Variants in TMPRSS7 observed in about 807,000 individuals in gnomAD.
The protein encoded by TMPRSS7 is transmembrane protease serine 7.
TMPRSS7 carries 81 observed loss-of-function variants against 95.6 expected under a neutral mutation model. That is an observed-to-expected ratio of 0.85 (90% confidence interval 0.71 to 1.02). The LOEUF (loss-of-function observed/expected upper bound fraction) is 1.02, where lower values mean the gene tolerates loss of function less well. Ranked by LOEUF, TMPRSS7 falls within the 50% of genes least tolerant of loss-of-function variation. The pLI, the probability that TMPRSS7 is intolerant of heterozygous loss-of-function variation, is 0.00. For missense variants in TMPRSS7, 945 were observed against 955.2 expected, an observed-to-expected ratio of 0.99 and a Z score of 0.14; for synonymous variants, 364 against 337.8, an observed-to-expected ratio of 1.08 and a Z score of -0.85.
At chr3:112,060,243 AC>A (rs2073484266) in intron 10 of TMPRSS7, among the ~76,000 whole-genome samples, 1 of 152,196 alleles carries the variant, frequency 6.6e-6, no homozygotes, top group Non-Finnish European at 1.5e-5. Context: ...GGACCACAGG[AC>A]CGGGGCAAAA....
chr3:112,044,225 A>C, intron 3 of TMPRSS7, 30 bp from the exon 4 acceptor site: 1 of 1,473,034 alleles, frequency 6.8e-7, no homozygotes, highest in Non-Finnish European at 9.3e-7. Flanking sequence ...AGTATGAAAT[A>C]CTTCAGATAC....
At chr3:112,035,603 T>C (rs1410469655) in intron 1 of TMPRSS7, among the ~76,000 whole-genome samples, 33 of 152,184 alleles carry the variant, frequency 2.2e-4, no homozygotes, top group Admixed American at 2.2e-3. Flanking sequence ...AAAGAGAGAT[T>C]ATTTCTTTGG....
intron 3 of TMPRSS7, 122 bp from the exon 4 acceptor site, chr3:112,044,133 C>T: frequency 1.5e-6 from 1 of 652,188 alleles, no homozygotes; most frequent in Admixed American, 2.4e-5. Flanking sequence ...AGTTAGGAGC[C>T]TTTATTTTGA....
chr3:112,066,397 C>T (rs1320429326), exon 13 of TMPRSS7: 4 of 1,613,656 alleles, frequency 2.5e-6, no homozygotes, highest in Non-Finnish European at 3.4e-6. Flanking sequence ...TCTAGTGAGC[C>T]CTCAACCTGC....
In TMPRSS7 at chr3:112,047,897, G is replaced by A. The variant is rs190680217; in HGVS notation, c.889G>A (p.Asp297Asn). 4.8e-5 allele frequency: 78 copies of A among 1,613,966 alleles called. No individual in the cohort carries two copies. The South Asian group carries it at 5.4e-4, about 11-fold the overall frequency. The change falls in exon 7 of 18, where the codon GAC (aspartate) becomes AAC (asparagine). Residue 297 changes from aspartate (D) to asparagine (N), a missense_variant. Asp to Asn is a conservative substitution (Grantham distance 23). Coordinates refer to ENST00000452346, the Ensembl canonical transcript of TMPRSS7. ...AATCAAGTCCATCCAAATCGAAGCCGACAACTGTGTCACTGACTCCCTGAC... is the reference window on the plus strand; with the variant it reads ...AATCAAGTCCATCCAAATCGAAGCCAACAACTGTGTCACTGACTCCCTGAC...
chr3:112,075,377 G>C, exon 15 of TMPRSS7: 1 of 1,518,066 alleles, frequency 6.6e-7, no homozygotes, highest in Non-Finnish European at 8.9e-7. Flanking sequence ...AGACACCCTG[G>C]AGGGGGGTTG....
At position 112,056,902 on chromosome 3, in the gene TMPRSS7, G is replaced by A. The variant is rs1459285672; in HGVS notation, c.1204-123G>A. ...TTATCCCGCTTTGTTCAGGAGAACT[G>A]GTTTACCCCACTAAGGGCCACAGGG... On this transcript the variant is annotated intron_variant, in intron 9 of 17. Transcript: ENST00000452346. 3 of 608,382 alleles carry A rather than the reference G, an allele frequency of 4.9e-6. No individual in the cohort carries two copies. In the East Asian group the frequency reaches 8.8e-5, roughly 18 times the overall value. The allele number at this position is 608,382 out of a possible 1,614,324, so 37.7% of individuals were successfully genotyped here.
chr3:112,043,050 C>A (rs754100991), intron 3 of TMPRSS7: 24 of 455,884 alleles, frequency 5.3e-5, no homozygotes, highest in Non-Finnish European at 1.1e-4. Context: ...TTATTGAATG[C>A]CTGCTATATA....
At chr3:112,078,000 C>T (rs773019474) in intron 16 of TMPRSS7, among the ~76,000 whole-genome samples, 9 of 152,162 alleles carry the variant, frequency 5.9e-5, no homozygotes, top group East Asian at 1.9e-4. Flanking sequence ...CCTGTAGCCT[C>T]GTTTTGACAC....
chr3:112,064,083 G>A (rs1377433509), intron 12 of TMPRSS7, among the ~76,000 whole-genome samples: 2 of 152,226 alleles, frequency 1.3e-5, no homozygotes, highest in Non-Finnish European at 2.9e-5. Context: ...TGAGAACAAA[G>A]TCAGGGGCAG....
chr3:112,061,742 A>C (rs915867834), intron 10 of TMPRSS7, 45 bp from the exon 11 acceptor site: 22 of 1,547,364 alleles, frequency 1.4e-5, no homozygotes, highest in Non-Finnish European at 1.9e-5. Flanking sequence ...AATTCAGTCG[A>C]CAGAACCTCA....
intron 1 of TMPRSS7, among the ~76,000 whole-genome samples, chr3:112,036,200 C>T (rs905155245): frequency 2.6e-5 from 4 of 152,154 alleles, no homozygotes; most frequent in Non-Finnish European, 5.9e-5. Flanking sequence ...TATTTTCAAT[C>T]CTGCATCAGC....
chr3:112,045,714 A>G (rs939200892), intron 4 of TMPRSS7, 36 bp from the exon 5 acceptor site: 30 of 1,516,596 alleles, frequency 2.0e-5, no homozygotes, highest in Middle Eastern at 1.7e-4. Flanking sequence ...GTAAAGTCCT[A>G]TGAGGTCCCT....
chr3:112,071,585 A>G (rs1030892937), intron 13 of TMPRSS7, among the ~76,000 whole-genome samples: 3 of 152,322 alleles, frequency 2.0e-5, no homozygotes, highest in South Asian at 2.1e-4. Context: ...AGGTACACCA[A>G]TCAAATGTAG....
At chr3:112,067,880 G>C (rs940641533) in intron 13 of TMPRSS7, among the ~76,000 whole-genome samples, 1 of 152,116 alleles carries the variant, frequency 6.6e-6, no homozygotes, top group African/African-American at 2.4e-5. Context: ...ATTGCTTTTG[G>C]TGTTTTAGTC....
chr3:112,046,061 T>G, intron 5 of TMPRSS7, 118 bp downstream of exon 5: 2 of 885,792 alleles, frequency 2.3e-6, no homozygotes, highest in Non-Finnish European at 3.4e-6. Context: ...ACAATCCCAG[T>G]GGCGCAGGAT....
At chr3:112,074,094 GC>G (rs1279271439) in intron 13 of TMPRSS7, among the ~76,000 whole-genome samples, 1 of 152,234 alleles carries the variant, frequency 6.6e-6, no homozygotes, top group East Asian at 1.9e-4. Context: ...ATGCCTGCCA[GC>G]GTTCAAATGG....
intron 3 of TMPRSS7, chr3:112,043,196 C>G (rs1190504422): frequency 2.3e-6 from 1 of 437,870 alleles, no homozygotes; most frequent in African/African-American, 2.0e-5. Context: ...CACACCCAGG[C>G]TAGATGGTAT....
At chr3:112,035,854 A>C (rs2073146986) in intron 1 of TMPRSS7, among the ~76,000 whole-genome samples, 1 of 152,218 alleles carries the variant, frequency 6.6e-6, no homozygotes, top group Non-Finnish European at 1.5e-5. Context: ...GCACATCAAT[A>C]CACTTAAACC....
Sources: gnomAD v4.1 joint callset for allele counts (sites outside exome capture counted in the v4.1 genomes callset) on GRCh38, gnomAD v4.1.1 for gene constraint, MANE v1.5 for transcripts, NCBI Gene and HGNC (gene_info 2026-07-23, HGNC 2026-07-21) for gene names.